The following RAB38 variants were observed in gnomAD, a reference collection of about 807,000 sequenced individuals.
The protein encoded by RAB38 is RAB38, member RAS oncogene family.
A neutral mutation model predicts 18.4 loss-of-function variants in RAB38; 15 were observed. The observed-to-expected ratio is 0.82, with a 90% CI of 0.55 to 1.26. RAB38 has a LOEUF of 1.26. Among genes scored for constraint, RAB38 ranks in the 50% most tolerant of loss-of-function variants. The pLI is 0.00. For missense variants in RAB38, 294 were observed against 267.4 expected (o/e 1.10, Z -0.69); for synonymous variants, 101 against 104.4 (o/e 0.97, Z 0.20).
chr11:88,129,115 G>A (rs570087681), intron 2 of RAB38, among the ~76,000 whole-genome samples: 10 of 151,978 alleles, frequency 6.6e-5, no homozygotes, highest in African/African-American at 9.7e-5. Context: ...ATATTTTTCC[G>A]TAAACTTACA....
chr11:88,024,511 G>A, the RAB38 span, among the ~76,000 whole-genome samples: 1 of 152,166 alleles, frequency 6.6e-6, no homozygotes, highest in African/African-American at 2.4e-5. Context: ...GCTACCACGT[G>A]ATCCAGCAAT....
At chr11:88,136,591 AAGT>A (rs1942838258) in intron 2 of RAB38, among the ~76,000 whole-genome samples, 1 of 152,176 alleles carries the variant, frequency 6.6e-6, no homozygotes, top group African/African-American at 2.4e-5. Flanking sequence ...GCTTTTTTAA[AAGT>A]AGAAAGCTGG....
At chr11:88,090,002 A>C in the RAB38 span, among the ~76,000 whole-genome samples, 18 of 151,854 alleles carry the variant, frequency 1.2e-4, no homozygotes, top group African/African-American at 3.6e-4. Context: ...GAACTGGGGG[A>C]CTATAAAGAG....
chr11:87,825,888 G>A, the RAB38 span, among the ~76,000 whole-genome samples: 1 of 152,036 alleles, frequency 6.6e-6, no homozygotes, highest in South Asian at 2.1e-4. Flanking sequence ...AGGACTAAAT[G>A]TGTACAAAAT....
the RAB38 span, among the ~76,000 whole-genome samples, chr11:87,915,384 C>T: frequency 6.6e-6 from 1 of 152,242 alleles, no homozygotes; most frequent in South Asian, 2.1e-4. Context: ...CTAAAGCCCA[C>T]CAAAACCAAG....
the RAB38 span, among the ~76,000 whole-genome samples, chr11:87,943,576 C>A: frequency 1.3e-5 from 2 of 152,020 alleles, no homozygotes; most frequent in South Asian, 4.1e-4. Flanking sequence ...GTGAAATACA[C>A]GTAATAATAA....
the RAB38 span, among the ~76,000 whole-genome samples, chr11:88,003,987 G>GTA: frequency 3.3e-3 from 378 of 114,026 alleles, 5 homozygotes; most frequent in African/African-American, 0.011. Flanking sequence ...ATGCATATAG[G>GTA]TATATATATA....
chr11:88,060,798 A>G, the RAB38 span, among the ~76,000 whole-genome samples: 1 of 152,198 alleles, frequency 6.6e-6, no homozygotes, highest in African/African-American at 2.4e-5. Flanking sequence ...TTCCATTAAA[A>G]ACTACTAACT....
At chr11:87,889,288 AC>A in the RAB38 span, among the ~76,000 whole-genome samples, 1 of 152,024 alleles carries the variant, frequency 6.6e-6, no homozygotes, top group East Asian at 2.0e-4. Flanking sequence ...CTGGGGCCAA[AC>A]AAGAATGCTT....
the RAB38 span, among the ~76,000 whole-genome samples, chr11:88,018,935 A>G: frequency 0.024 from 3,468 of 147,556 alleles, 128 homozygotes; most frequent in African/African-American, 0.08. Flanking sequence ...GATATACTCA[A>G]TTATTCCCAT....
chr11:88,151,742 T>A (rs1338824582), intron 1 of RAB38, among the ~76,000 whole-genome samples: 1 of 152,222 alleles, frequency 6.6e-6, no homozygotes, highest in Non-Finnish European at 1.5e-5. Flanking sequence ...CAAGCTGTTT[T>A]GTAGATGGTT....
chr11:88,164,229 C>T (rs1457191219), intron 1 of RAB38, among the ~76,000 whole-genome samples: 1 of 137,184 alleles, frequency 7.3e-6, no homozygotes, highest in African/African-American at 2.7e-5. Context: ...ACAGTTATAA[C>T]TCCCAAAATA....
At chr11:87,974,355 GA>G in the RAB38 span, among the ~76,000 whole-genome samples, 14 of 146,432 alleles carry the variant, frequency 9.6e-5, no homozygotes, top group East Asian at 6.0e-4. Flanking sequence ...AACCCTGAAA[GA>G]AAAAAAAAAT....
chr11:87,915,938 T>A, the RAB38 span, among the ~76,000 whole-genome samples: 1 of 152,168 alleles, frequency 6.6e-6, no homozygotes, highest in African/African-American at 2.4e-5. Flanking sequence ...TAAGATTTAA[T>A]GTCTGCTCCA....
At chr11:88,008,326 T>C in the RAB38 span, among the ~76,000 whole-genome samples, 17 of 152,128 alleles carry the variant, frequency 1.1e-4, no homozygotes, top group South Asian at 3.3e-3. Context: ...ATCGAGACAA[T>C]AATGAGTCGG....
the RAB38 span, among the ~76,000 whole-genome samples, chr11:87,825,715 T>C: frequency 0.059 from 8,955 of 152,106 alleles, 366 homozygotes; most frequent in Non-Finnish European, 0.084. Context: ...CAGTCCTGGG[T>C]AAGGCTGGAG....
At chr11:88,114,552 C>A (rs1010374510) in intron 2 of RAB38, among the ~76,000 whole-genome samples, 1 of 152,186 alleles carries the variant, frequency 6.6e-6, no homozygotes, top group African/African-American at 2.4e-5. Context: ...GATAAGACAT[C>A]TTTTATAGTA....
chr11:88,005,172 A>T, the RAB38 span, among the ~76,000 whole-genome samples: 955 of 151,614 alleles, frequency 6.3e-3, 9 homozygotes, highest in African/African-American at 0.022. Flanking sequence ...AAAAACTCAG[A>T]ATAACAAAAC....
chr11:87,862,244 GA>G, the RAB38 span, among the ~76,000 whole-genome samples: 5 of 151,982 alleles, frequency 3.3e-5, no homozygotes, highest in Non-Finnish European at 5.9e-5. Context: ...CAATAGCAAA[GA>G]CATAGAATCA....
Sources: allele counts gnomAD v4.1 joint callset (sites outside exome capture counted in the v4.1 genomes callset), GRCh38; gene constraint gnomAD v4.1.1; transcripts MANE v1.5; gene names NCBI Gene and HGNC (gene_info 2026-07-23, HGNC 2026-07-21).